AACS: variants seen among roughly 807,000 people sequenced by gnomAD.
The protein encoded by AACS is acetoacetyl-CoA synthetase, also known as acetoacetate-CoA ligase.
A neutral mutation model predicts 83.1 loss-of-function variants in AACS; 69 were observed. The ratio of observed to expected loss-of-function variants is 0.83; its 90% CI spans 0.68 to 1.01. AACS has a LOEUF of 1.01. Ranked by LOEUF, AACS falls within the 50% of genes least tolerant of loss-of-function variation. The pLI is 0.00. For synonymous variants in AACS, 333 were observed against 343.4 expected, an observed-to-expected ratio of 0.97 and a Z score of 0.33; for missense variants, 866 against 882.2, an observed-to-expected ratio of 0.98 and a Z score of 0.23.
chr12:125,067,669 G>A lies in AACS; in HGVS notation c.133+1952G>A, dbSNP rs1955741646. On this transcript the variant is annotated intron_variant, in intron 1 of 17. Coordinates refer to ENST00000316519, the MANE Select transcript of AACS (RefSeq NM_023928.5). ...CTGCCTCAGCCTCCCGAGTAGCTGG[G>A]ATTACAGGTGCCTGCCACTATGCCC... 4.6e-5 allele frequency among the ~76,000 whole-genome samples: 7 copies of A among 152,214 alleles called. No homozygotes were observed. In the South Asian group the frequency reaches 1.5e-3, roughly 32 times the overall value.
At chr12:125,114,055 C>G (rs1253753999) in intron 8 of AACS, among the ~76,000 whole-genome samples, 2 of 151,926 alleles carry the variant, frequency 1.3e-5, no homozygotes, top group Admixed American at 6.6e-5. Context: ...TCCCCCTCAC[C>G]CCGCTGTTCC....
intron 4 of AACS, among the ~76,000 whole-genome samples, chr12:125,090,073 TCCAC>T (rs1369821505): frequency 1.4e-5 from 2 of 146,336 alleles, no homozygotes; most frequent in Non-Finnish European, 3.0e-5. Flanking sequence ...CATCTATCCA[TCCAC>T]TCATCTATCC....
At position 125,094,047 on chromosome 12, in the gene AACS, C is replaced by G. The variant is rs182957657; in HGVS notation, c.570+2524C>G. ...CTGGCACAGGTCGACTGCGCGAAAG[C>G]CTCTGCTCACCCTCTATTTACCATC... is the stretch of plus-strand genomic sequence containing the variant. On this transcript the variant is annotated intron_variant, in intron 5 of 17. Transcript: ENST00000316519. The surrounding 1 kb of genome is among the most constrained non-coding windows in gnomAD (Gnocchi z 4.1). Among the ~76,000 whole-genome samples, 1 of 152,088 alleles carries G rather than the reference C, an allele frequency of 6.6e-6. No individual in the cohort carries two copies. The highest frequency in any genetic ancestry group is 2.4e-5 in the African/African-American group (1 of 41,512).
chr12:125,086,513 A>T, intron 4 of AACS, 70 bp downstream of exon 4: 1 of 1,419,960 alleles, frequency 7.0e-7, no homozygotes, highest in Non-Finnish European at 9.9e-7. Context: ...GTGAAGGTCA[A>T]GACGGCTTTC....
chr12:125,131,028 C>T (rs78686721), intron 14 of AACS, among the ~76,000 whole-genome samples: 1 of 152,280 alleles, frequency 6.6e-6, no homozygotes, highest in East Asian at 1.9e-4. Flanking sequence ...GATGGCAAAA[C>T]CAAGCAACAA....
In AACS at chr12:125,118,665, A is replaced by G. The variant is rs909478322; in HGVS notation, c.1021A>G (p.Met341Val). 5.6e-6 allele frequency: 9 copies of G among 1,613,954 alleles called. No individual in the cohort carries two copies. Among genetic ancestry groups the G allele is most frequent in the East Asian group, 4.5e-5 (2 of 44,880 alleles). Residue 341 changes from methionine (M) to valine (V), a missense_variant, in exon 10 of 18, where the codon ATG becomes GTG. By Grantham distance (21) the Met-to-Val change is conservative. Coordinates refer to ENST00000316519, the MANE Select transcript of AACS (RefSeq NM_023928.5). ...GGTCGGCTGGATGATGTGGAACTGG[A>G]TGGTGTCCCTTCTGGCCACAGGAGC... ...TTVGWMMWNW[M>V]VSLLATGAAM...
At chr12:125,088,604 T>G (rs1478390711) in intron 4 of AACS, among the ~76,000 whole-genome samples, 2 of 152,192 alleles carry the variant, frequency 1.3e-5, no homozygotes, top group Non-Finnish European at 2.9e-5. Flanking sequence ...TCTGTACACT[T>G]TTAAGGTCTT....
chr12:125,135,004 C>A, intron 16 of AACS, 152 bp downstream of exon 16: 1 of 888,106 alleles, frequency 1.1e-6, no homozygotes, highest in Non-Finnish European at 1.8e-6. Context: ...CTTTCCAGAA[C>A]ATACCTTGCC....
chr12:125,073,208 G>A (rs767551941), intron 1 of AACS, among the ~76,000 whole-genome samples: 4 of 152,160 alleles, frequency 2.6e-5, no homozygotes, highest in African/African-American at 4.8e-5. Context: ...GATTACAGGC[G>A]TGAGCCACCG....
chr12:125,115,148 AG>A (rs954525750), intron 9 of AACS, among the ~76,000 whole-genome samples: 3 of 152,170 alleles, frequency 2.0e-5, no homozygotes, highest in Admixed American at 2.0e-4. Context: ...GAAAGACAGA[AG>A]GTTAGGACAT....
At chr12:125,092,348 C>A (rs1045619617) in intron 5 of AACS, 1 of 152,478 alleles carries the variant, frequency 6.6e-6, no homozygotes, top group Non-Finnish European at 1.5e-5. Flanking sequence ...GGTGTGGCCG[C>A]TGGCCCTTTA....
intron 2 of AACS, 69 bp downstream of exon 2, chr12:125,074,048 G>A (rs1955950421): frequency 7.7e-7 from 1 of 1,295,028 alleles, no homozygotes; most frequent in Non-Finnish European, 1.1e-6. Flanking sequence ...TGCTAATTTT[G>A]GGGAATACTG....
intron 17 of AACS, among the ~76,000 whole-genome samples, chr12:125,137,982 T>G (rs1316567750): frequency 6.6e-6 from 1 of 152,260 alleles, no homozygotes; most frequent in African/African-American, 2.4e-5. Context: ...TGATGCCGTT[T>G]ACTTTGAAAC....
rs1245333307 is a variant in AACS at position 125,065,867 on chromosome 12, A to C, written c.133+150A>C. 13 of 1,226,578 alleles carry C rather than the reference A, an allele frequency of 1.1e-5. No homozygotes were observed. In the Admixed American group the frequency reaches 4.8e-4, roughly 45 times the overall value. 76.0% of individuals were successfully genotyped at this position (1,226,578 alleles called of 1,614,324 possible). Reference sequence around the variant, plus strand: ...GCCTTCTGACTGCGGGGTTCCCCCCAGTCTTGGGGAACATCACCCCTCCAC... The same window carrying C: ...GCCTTCTGACTGCGGGGTTCCCCCCCGTCTTGGGGAACATCACCCCTCCAC... On this transcript the variant is annotated intron_variant, in intron 1 of 17. Coordinates refer to ENST00000316519, the MANE Select transcript of AACS (RefSeq NM_023928.5).
intron 17 of AACS, 30 bp from the exon 18 acceptor site, chr12:125,142,062 T>G (rs553489038): frequency 6.2e-7 from 1 of 1,613,086 alleles, no homozygotes; most frequent in Admixed American, 1.7e-5. Flanking sequence ...CAGGTTTAAA[T>G]GTTCCTGTTT....
Position 125,107,107 on chromosome 12 carries a change from GT to G in AACS, c.768-11del. ...GGACGTTCATGGCGTGTTTCCCTGC[GT>G]TTCGGCCCACAGTGTGTTTCTGGAT... is the stretch of plus-strand genomic sequence containing the variant. On this transcript the variant is annotated splice_polypyrimidine_tract_variant and intron_variant, in intron 7 of 17. Transcript: ENST00000316519. 6.2e-7 allele frequency: 1 copy of G among 1,614,042 alleles called. No homozygotes were observed. Among genetic ancestry groups the G allele is most frequent in the South Asian group, 1.1e-5 (1 of 91,086 alleles).
At position 125,085,654 on chromosome 12, in the gene AACS, T is replaced by C. The variant is rs544674216; in HGVS notation, c.359-676T>C. Reference sequence around the variant, plus strand: ...GTTTCCTGTCTTTGCTGGTGTACTCTGTTTATGGAGGATGTAGCCACTGGG... The same window carrying C: ...GTTTCCTGTCTTTGCTGGTGTACTCCGTTTATGGAGGATGTAGCCACTGGG... On this transcript the variant is annotated intron_variant, in intron 3 of 17. Coordinates refer to ENST00000316519, the MANE Select transcript of AACS (RefSeq NM_023928.5). Among the ~76,000 whole-genome samples the C allele has an allele frequency of 2.6e-5, 4 of 152,336 alleles. No homozygotes were observed. The South Asian group carries it at 8.3e-4, about 32-fold the overall frequency.
At chr12:125,121,502 A>G (rs1446757554) in intron 10 of AACS, 1 of 152,264 alleles carries the variant, frequency 6.6e-6, no homozygotes, top group Non-Finnish European at 1.5e-5. Context: ...CCAGCATGTC[A>G]GCTCTCAGCC....
chr12:125,128,039 C>T, intron 12 of AACS, 122 bp from the exon 13 acceptor site: 2 of 622,950 alleles, frequency 3.2e-6, no homozygotes, highest in South Asian at 5.1e-5. Flanking sequence ...TGGGATGTTG[C>T]AGTGTTTGTC....
Sources: allele counts gnomAD v4.1 joint callset (sites outside exome capture counted in the v4.1 genomes callset), GRCh38; gene constraint gnomAD v4.1.1; non-coding constraint Gnocchi (gnomAD v3.1); transcripts MANE v1.5; gene names NCBI Gene and HGNC (gene_info 2026-07-23, HGNC 2026-07-21).